Variants in ZFYVE9 observed in about 807,000 individuals in gnomAD.
ZFYVE9 encodes zinc finger FYVE-type containing 9.
A neutral mutation model predicts 126.7 loss-of-function variants in ZFYVE9; 43 were observed. The ratio of observed to expected loss-of-function variants is 0.34; its 90% CI spans 0.27 to 0.44. The LOEUF (loss-of-function observed/expected upper bound fraction) is 0.44. ZFYVE9 is among the 20% of genes least tolerant of loss of function. The pLI, the probability that ZFYVE9 is intolerant of heterozygous loss-of-function variation, is 1.00. For synonymous variants in ZFYVE9, 521 were observed against 597.4 expected (o/e 0.87, Z 1.87); for missense variants, 1,476 against 1,697.0 (o/e 0.87, Z 2.29).
chr1:52,170,165 T>C (rs1644551432), intron 1 of ZFYVE9, among the ~76,000 whole-genome samples: 1 of 152,222 alleles, frequency 6.6e-6, no homozygotes, highest in South Asian at 2.1e-4. Context: ...TCTATAACAT[T>C]AATTTATGAA....
At chr1:52,239,626 G>T (rs773150281) in intron 4 of ZFYVE9, 31 bp downstream of exon 4, 2 of 1,582,328 alleles carry the variant, frequency 1.3e-6, no homozygotes, top group East Asian at 2.3e-5. Flanking sequence ...CAGAAATCGG[G>T]CATGCACATT....
At chr1:52,273,606 G>T (rs1057171715) in intron 7 of ZFYVE9, among the ~76,000 whole-genome samples, 1 of 151,928 alleles carries the variant, frequency 6.6e-6, no homozygotes, top group African/African-American at 2.4e-5. Context: ...CGAGGTTGGC[G>T]GATCACAAGG....
intron 3 of ZFYVE9, among the ~76,000 whole-genome samples, chr1:52,234,305 CA>C (rs1272278445): frequency 2.0e-5 from 3 of 151,760 alleles, no homozygotes; most frequent in Non-Finnish European, 4.4e-5. Context: ...ACAGAAAATA[CA>C]AAAAAAATTA....
intron 10 of ZFYVE9, among the ~76,000 whole-genome samples, chr1:52,289,155 G>T (rs1322358266): frequency 6.6e-6 from 1 of 152,044 alleles, no homozygotes; most frequent in African/African-American, 2.4e-5. Flanking sequence ...ATTAAAGATG[G>T]AAAATTGTAA....
At chr1:52,180,520 C>G (rs1252154915) in intron 1 of ZFYVE9, 1 of 739,314 alleles carries the variant, frequency 1.4e-6, no homozygotes, top group Non-Finnish European at 2.4e-6. Flanking sequence ...TGCTCTGTCC[C>G]CATGAAGAGG....
intron 1 of ZFYVE9, chr1:52,162,358 T>A: frequency 2.7e-6 from 1 of 374,222 alleles, no homozygotes; most frequent in Non-Finnish European, 5.4e-6. Context: ...CACTGCCGCC[T>A]TTGCCACCAC....
At chr1:52,226,956 A>G (rs1189587699) in intron 2 of ZFYVE9, among the ~76,000 whole-genome samples, 1 of 152,266 alleles carries the variant, frequency 6.6e-6, no homozygotes, top group African/African-American at 2.4e-5. Context: ...TGCCCTAAGC[A>G]GTTCCCAGCT....
intron 1 of ZFYVE9, among the ~76,000 whole-genome samples, chr1:52,182,052 G>A (rs1328532640): frequency 6.6e-6 from 1 of 150,756 alleles, no homozygotes; most frequent in Admixed American, 6.6e-5. Flanking sequence ...GAGGCGAGGG[G>A]GTCAGCCCCT....
intron 4 of ZFYVE9, among the ~76,000 whole-genome samples, chr1:52,258,820 G>A (rs949988992): frequency 4.0e-5 from 6 of 151,518 alleles, no homozygotes; most frequent in Non-Finnish European, 7.4e-5. Flanking sequence ...ACTGTTCTTC[G>A]GCCTGTGGGA....
intron 11 of ZFYVE9, among the ~76,000 whole-genome samples, chr1:52,295,087 A>C (rs1166176515): frequency 2.0e-5 from 3 of 152,154 alleles, no homozygotes; most frequent in African/African-American, 7.2e-5. Context: ...GCATGCCTGT[A>C]ATTCCAGCTA....
At chr1:52,216,258 C>G (rs1048151752) in intron 1 of ZFYVE9, 111 bp from the exon 2 acceptor site, 1 of 396,262 alleles carries the variant, frequency 2.5e-6, no homozygotes, top group African/African-American at 2.1e-5. Context: ...ATAATTTTAT[C>G]TACTGTTTCA....
rs1237189041 is a variant in ZFYVE9 at position 52,151,520 on chromosome 1, C to CT, written c.-143+9130dup. On this transcript the variant is annotated intron_variant, in intron 1 of 18. Transcript: ENST00000287727. ...ATGTGTGTGTGTATGTGTGTTTTTT[C>CT]TTTTTTTTTTTTTGAGATGGGGTCT... Among the ~76,000 whole-genome samples the CT allele has an allele frequency of 1.3e-3, 190 of 142,182 alleles. 2 individuals carry two copies. The highest frequency in any genetic ancestry group is 2.5e-3 in the South Asian group (11 of 4,448). 93.3% of individuals were successfully genotyped at this position (142,182 alleles called of 152,430 possible).
intron 10 of ZFYVE9, among the ~76,000 whole-genome samples, chr1:52,292,304 C>T (rs1645929344): frequency 2.0e-5 from 3 of 146,654 alleles, no homozygotes; most frequent in African/African-American, 7.6e-5. Context: ...AAAAACAAAA[C>T]GAGAAAAAAA....
chr1:52,217,233 C>G (rs1167040084), intron 2 of ZFYVE9, among the ~76,000 whole-genome samples: 1 of 152,146 alleles, frequency 6.6e-6, no homozygotes. Context: ...ATTGCACAAT[C>G]TAAGCTGATC....
chr1:52,194,467 C>T (rs935018271), intron 1 of ZFYVE9, among the ~76,000 whole-genome samples: 1 of 151,820 alleles, frequency 6.6e-6, no homozygotes, highest in Non-Finnish European at 1.5e-5. Flanking sequence ...TGCAGAAAGG[C>T]CAATAAACAT....
intron 1 of ZFYVE9, among the ~76,000 whole-genome samples, chr1:52,182,101 G>C (rs900621401): frequency 1.3e-5 from 2 of 150,396 alleles, no homozygotes; most frequent in Non-Finnish European, 3.0e-5. Flanking sequence ...AGGTGGGGGG[G>C]TCAGCCCCCC....
rs1644269551 is a variant in ZFYVE9 at position 52,142,648 on chromosome 1, G to T, written c.-143+245G>T. Among the ~76,000 whole-genome samples the T allele has an allele frequency of 6.6e-6, 1 of 152,172 alleles. No homozygotes were observed. The highest frequency in any genetic ancestry group is 1.5e-5 in the Non-Finnish European group (1 of 68,022). On this transcript the variant is annotated intron_variant, in intron 1 of 18. Transcript: ENST00000287727. This position sits in a 1 kb window ranked among gnomAD's most constrained non-coding sequence, Gnocchi z 4.5. ...GGCCTCGGTTCCGGCGCGGCCGGGTGTGTGGAGCTGGGGGCCGGCAGGAGC... is the reference window on the plus strand; with the variant it reads ...GGCCTCGGTTCCGGCGCGGCCGGGTTTGTGGAGCTGGGGGCCGGCAGGAGC...
chr1:52,226,551 A>G (rs1398844485), intron 2 of ZFYVE9, among the ~76,000 whole-genome samples: 4 of 152,046 alleles, frequency 2.6e-5, no homozygotes, highest in Non-Finnish European at 4.4e-5. Flanking sequence ...GAAAAAAGAA[A>G]ATGATTTGGG....
intron 11 of ZFYVE9, among the ~76,000 whole-genome samples, chr1:52,295,032 C>A (rs1645959329): frequency 6.6e-6 from 1 of 152,100 alleles, no homozygotes; most frequent in Non-Finnish European, 1.5e-5. Context: ...CATGGTGAAT[C>A]CCATCTCTAC....
Sources: allele counts gnomAD v4.1 joint callset (sites outside exome capture counted in the v4.1 genomes callset), GRCh38; gene constraint gnomAD v4.1.1; non-coding constraint Gnocchi (gnomAD v3.1); transcripts MANE v1.5; gene names NCBI Gene and HGNC (gene_info 2026-07-23, HGNC 2026-07-21).